The following PTPRT variants were observed in gnomAD, a reference collection of about 807,000 sequenced individuals.
PTPRT encodes the protein protein tyrosine phosphatase receptor type T, also known as receptor-type tyrosine-protein phosphatase T.
Under a neutral mutation model 176.8 loss-of-function variants are expected in PTPRT, and 56 were observed. The observed-to-expected ratio is 0.32, with a 90% CI of 0.26 to 0.40. The LOEUF (loss-of-function observed/expected upper bound fraction) is 0.40. Ranked by LOEUF, PTPRT falls within the 10% of genes least tolerant of loss-of-function variation. The pLI is 1.00. For missense variants in PTPRT, 1,540 were observed against 1,908.2 expected, an observed-to-expected ratio of 0.81 and a Z score of 3.60; for synonymous variants, 783 against 739.0, an observed-to-expected ratio of 1.06 and a Z score of -0.96.
At chr20:43,135,347 T>C (rs2013795561) in intron 1 of PTPRT, among the ~76,000 whole-genome samples, 1 of 152,206 alleles carries the variant, frequency 6.6e-6, no homozygotes, top group Non-Finnish European at 1.5e-5. Flanking sequence ...TGTAGAAACA[T>C]GTTTCTGACA....
At chr20:42,735,225 C>G (rs1600677735) in intron 6 of PTPRT, among the ~76,000 whole-genome samples, 1 of 152,134 alleles carries the variant, frequency 6.6e-6, no homozygotes, top group East Asian at 1.9e-4. Context: ...AGCTTAACCT[C>G]TATTGCTTGG....
intron 6 of PTPRT, among the ~76,000 whole-genome samples, chr20:42,716,650 A>G (rs1790353827): frequency 6.6e-6 from 1 of 152,164 alleles, no homozygotes; most frequent in Non-Finnish European, 1.5e-5. Flanking sequence ...TCTGGATATT[A>G]GCCCTTTGTC....
At position 42,719,405 on chromosome 20, in the gene PTPRT, A is replaced by G. The variant is rs532429992; in HGVS notation, c.859+37057T>C. On this transcript the variant is annotated intron_variant, in intron 6 of 30. Transcript: ENST00000373187. ...AAAAGGTTCAGCTGTAGAAATTGTT[A>G]AGAAACCAAGAGATATAGTTATGGA... Among the ~76,000 whole-genome samples the G allele has an allele frequency of 8.5e-4, 129 of 152,200 alleles. 1 individual carries two copies. Among genetic ancestry groups the G allele is most frequent in the Non-Finnish European group, 3.1e-4 (21 of 68,036 alleles).
chr20:42,655,998 C>T (rs945342787), intron 7 of PTPRT, among the ~76,000 whole-genome samples: 5 of 152,254 alleles, frequency 3.3e-5, no homozygotes, highest in Middle Eastern at 6.8e-3. Flanking sequence ...GAAATACCAT[C>T]AAGTGCAGAA....
At chr20:42,653,825 G>A (rs2145977454) in intron 7 of PTPRT, among the ~76,000 whole-genome samples, 1 of 152,256 alleles carries the variant, frequency 6.6e-6, no homozygotes, top group East Asian at 1.9e-4. Context: ...TTATCGTTAA[G>A]TGTAATGAAA....
intron 1 of PTPRT, among the ~76,000 whole-genome samples, chr20:42,943,374 A>G (rs1326800357): frequency 6.6e-6 from 1 of 152,220 alleles, no homozygotes; most frequent in Non-Finnish European, 1.5e-5. Flanking sequence ...ATACGCACGC[A>G]GAGCCTTCGG....
intron 20 of PTPRT, among the ~76,000 whole-genome samples, chr20:42,118,763 C>T (rs1235711203): frequency 6.6e-6 from 1 of 152,068 alleles, no homozygotes; most frequent in Non-Finnish European, 1.5e-5. Flanking sequence ...CCTCTCCTCT[C>T]CCTTCTGTCC....
chr20:43,059,243 T>C (rs1197202772), intron 1 of PTPRT, among the ~76,000 whole-genome samples: 1 of 152,222 alleles, frequency 6.6e-6, no homozygotes, highest in Non-Finnish European at 1.5e-5. Context: ...TTTTTTTCAA[T>C]ATGTATAGGC....
chr20:42,036,871 G>A, the PTPRT span, among the ~76,000 whole-genome samples: 3 of 152,134 alleles, frequency 2.0e-5, no homozygotes, highest in Non-Finnish European at 2.9e-5. Flanking sequence ...GCAGAAAGAA[G>A]TTGTTGTTTC....
chr20:42,129,143 A>C (rs1048221932), intron 18 of PTPRT, among the ~76,000 whole-genome samples: 2 of 152,220 alleles, frequency 1.3e-5, no homozygotes, highest in Admixed American at 1.3e-4. Context: ...TCATAGGACA[A>C]TGTGAGAGAG....
intron 14 of PTPRT, among the ~76,000 whole-genome samples, chr20:42,239,297 C>T (rs1244166137): frequency 6.6e-6 from 1 of 152,110 alleles, no homozygotes; most frequent in Admixed American, 6.6e-5. Flanking sequence ...GGAATTAGTG[C>T]CATTCCCACT....
intron 9 of PTPRT, among the ~76,000 whole-genome samples, chr20:42,411,663 G>C (rs57334957): frequency 0.031 from 4,699 of 151,998 alleles, 81 homozygotes; most frequent in African/African-American, 0.037. Flanking sequence ...AGATCTTTGA[G>C]ATATTAAAAG....
intron 7 of PTPRT, among the ~76,000 whole-genome samples, chr20:42,657,609 T>C (rs57956215): frequency 0.017 from 2,573 of 152,256 alleles, 68 homozygotes; most frequent in African/African-American, 0.058. Flanking sequence ...ACTGCATTGT[T>C]TATAGCTCAT....
At position 42,460,286 on chromosome 20, in the gene PTPRT, G is replaced by A. The variant is rs968913951; in HGVS notation, c.1451-11957C>T. 5.3e-5 allele frequency among the ~76,000 whole-genome samples: 8 copies of A among 152,166 alleles called. 1 individual carries two copies. The highest frequency in any genetic ancestry group is 1.9e-4 in the African/African-American group (8 of 41,448). On this transcript the variant is annotated intron_variant, in intron 8 of 30. Transcript: ENST00000373187. ...TGTGGATCCAGGGTCAGCAAACTATGGCTCTTGGGTTGAATCCAACCAGCT... is the reference window on the plus strand; with the variant it reads ...TGTGGATCCAGGGTCAGCAAACTATAGCTCTTGGGTTGAATCCAACCAGCT...
intron 17 of PTPRT, among the ~76,000 whole-genome samples, chr20:42,148,593 T>A (rs531849792): frequency 1.2e-3 from 178 of 151,938 alleles, no homozygotes; most frequent in African/African-American, 4.2e-3. Context: ...AAAGGGGAGA[T>A]CTGAGAGGGA....
chr20:42,757,392 A>G (rs1018463018), intron 5 of PTPRT, among the ~76,000 whole-genome samples: 1 of 152,136 alleles, frequency 6.6e-6, no homozygotes, highest in African/African-American at 2.4e-5. Context: ...ACCCCACCCC[A>G]CAGGCTCTGA....
Position 42,080,908 on chromosome 20 carries a change from C to G in PTPRT, c.4297G>C (p.Val1433Leu), listed in dbSNP as rs754318111. 3.1e-6 allele frequency: 5 copies of G among 1,610,234 alleles called. No homozygotes were observed. The highest frequency in any genetic ancestry group is 1.1e-5 in the South Asian group (1 of 91,010). The change falls in exon 31 of 31, where the codon GTG becomes CTG. Residue 1433 changes from valine to leucine, a missense_variant. By Grantham distance (32) the Val-to-Leu change is conservative (BLOSUM62 1). Transcript: ENST00000373187. ...TLEQYKFVYE[V>L]ALEYLSSF Reference sequence around the variant, plus strand: ...AAGGAGCTTAAATATTCCAGTGCCACCTCGTATACAAATTTATACTGTTCC... The same window carrying G: ...AAGGAGCTTAAATATTCCAGTGCCAGCTCGTATACAAATTTATACTGTTCC...
At chr20:43,105,993 C>T (rs1440724794) in intron 1 of PTPRT, among the ~76,000 whole-genome samples, 1 of 152,076 alleles carries the variant, frequency 6.6e-6, no homozygotes, top group Non-Finnish European at 1.5e-5. Context: ...CACAAGGATG[C>T]AACAGGTTCA....
intron 1 of PTPRT, among the ~76,000 whole-genome samples, chr20:43,180,705 C>G (rs961983355): frequency 6.6e-6 from 1 of 152,206 alleles, no homozygotes; most frequent in African/African-American, 2.4e-5. Context: ...TCAGGTGATC[C>G]GCCCACCTCG....
Sources: gnomAD v4.1 joint callset for allele counts (sites outside exome capture counted in the v4.1 genomes callset) on GRCh38, gnomAD v4.1.1 for gene constraint, MANE v1.5 for transcripts, NCBI Gene and HGNC (gene_info 2026-07-23, HGNC 2026-07-21) for gene names.